The following OXNAD1 variants were observed in gnomAD, a reference collection of about 807,000 sequenced individuals.
OXNAD1 encodes the protein oxidoreductase NAD binding domain containing 1.
A neutral mutation model predicts 32.9 loss-of-function variants in OXNAD1; 34 were observed. That is an observed-to-expected ratio of 1.03 (90% CI 0.79 to 1.38). The LOEUF (loss-of-function observed/expected upper bound fraction) is 1.38. Ranked by LOEUF, OXNAD1 falls within the 40% of genes most tolerant of loss-of-function variation. The pLI is 0.00. For missense variants in OXNAD1, 407 were observed against 379.4 expected, an observed-to-expected ratio of 1.07 and a Z score of -0.60; for synonymous variants, 134 against 135.2, an observed-to-expected ratio of 0.99 and a Z score of 0.06.
Position 16,305,718 on chromosome 3 carries a change from A to T in OXNAD1, c.*2156A>T, listed in dbSNP as rs2067502360. The T allele has an allele frequency of 6.6e-6, 1 of 152,210 alleles. No individual in the cohort carries two copies. 9.4% of individuals were successfully genotyped at this position (152,210 alleles called of 1,614,324 possible). A position where few individuals can be genotyped will look rare whatever the true frequency, so the allele number is the denominator to read the frequency against. ...ACCTATACTACTTACTAGGTAGATG[A>T]CCTTGAGCAAGTCACTTAACTGCTC... On this transcript the variant is annotated 3_prime_UTR_variant, in exon 9 of 9. Transcript: ENST00000285083. This position sits in a 1 kb window ranked among gnomAD's most constrained non-coding sequence, Gnocchi z 4.5.
downstream of OXNAD1, among the ~76,000 whole-genome samples, chr3:16,306,608 TC>T (rs1221632657): frequency 6.6e-6 from 1 of 152,224 alleles, no homozygotes; most frequent in East Asian, 1.9e-4. Flanking sequence ...ACACTTTTTT[TC>T]CCCCATGATT....
At position 16,302,738 on chromosome 3, in the gene OXNAD1, A is replaced by G. The variant is rs2067277536; in HGVS notation, c.774A>G (p.Pro258=). ...CACAAATCAATGCGGAACTCAAGCC[A>G]TACATCACGGGTGAGTCCCCTAAAG... ...QTTQINAELK[P]YITEGRITEK... The change falls in exon 8 of 9, where the codon CCA becomes CCG. Residue 258 remains proline, a synonymous_variant. Transcript: ENST00000285083. The surrounding 1 kb of genome is among the most constrained non-coding windows in gnomAD (Gnocchi z 4.2). 6 of 1,609,492 alleles carry G rather than the reference A, an allele frequency of 3.7e-6. No individual in the cohort carries two copies. Among genetic ancestry groups the G allele is most frequent in the Non-Finnish European group, 5.1e-6 (6 of 1,176,080 alleles).
chr3:16,271,730 T>A lies in OXNAD1; in HGVS notation c.183+8T>A. The A allele has an allele frequency of 6.2e-7, 1 of 1,604,382 alleles. No homozygotes were observed. Among genetic ancestry groups the A allele is most frequent in the Middle Eastern group, 1.7e-4 (1 of 6,014 alleles). On this transcript the variant is annotated splice_region_variant and intron_variant, in intron 4 of 8. Transcript: ENST00000285083. This position sits in a 1 kb window ranked among gnomAD's most constrained non-coding sequence, Gnocchi z 4.6. ...AGTGTCCTTCGACGGGAGGTTTGTA[T>A]CTTTGGGGTATGACAGGTTTTTCCA...
rs536567463 is a variant in OXNAD1, at chr3:16,327,633, C to T, written c.*31-9479C>T. On this transcript the variant is annotated intron_variant, in intron 9 of 9. Transcript: ENST00000435829. This position sits in a 1 kb window ranked among gnomAD's most constrained non-coding sequence, Gnocchi z 4.2. ...AAAATTAGCCAGGCCTGGTGGCGGG[C>T]GCCTGTAGTCCCAGCTACTCGGGAG... is the stretch of plus-strand genomic sequence containing the variant. Among the ~76,000 whole-genome samples the T allele has an allele frequency of 4.6e-5, 7 of 152,046 alleles. No homozygotes were observed. Among genetic ancestry groups the T allele is most frequent in the South Asian group, 2.1e-4 (1 of 4,810 alleles).
chr3:16,289,118 C>T lies in OXNAD1; in HGVS notation c.290+2670C>T, dbSNP rs962212571. Among the ~76,000 whole-genome samples, 1 of 152,236 alleles carries T rather than the reference C, an allele frequency of 6.6e-6. No homozygotes were observed. The highest frequency in any genetic ancestry group is 1.5e-5 in the Non-Finnish European group (1 of 68,044). ...GTTTTGGGATATTTAAAGTGTTTAGCATAATGCCTACTGTTAACTTCATTT... is the reference window on the plus strand; with the variant it reads ...GTTTTGGGATATTTAAAGTGTTTAGTATAATGCCTACTGTTAACTTCATTT... On this transcript the variant is annotated intron_variant, in intron 5 of 8. Coordinates refer to ENST00000285083, the MANE Select transcript of OXNAD1 (RefSeq NM_138381.5). This position sits in a 1 kb window ranked among gnomAD's most constrained non-coding sequence, Gnocchi z 4.9.
chr3:16,287,397 G>C lies in OXNAD1; in HGVS notation c.290+949G>C, dbSNP rs1385434013. ...TAGTTTGCCTTTGAATTTAGAACTA[G>C]AAAACAAGATGCTGATTGCAATAAT... On this transcript the variant is annotated intron_variant, in intron 5 of 8. Transcript: ENST00000285083. The surrounding 1 kb of genome is among the most constrained non-coding windows in gnomAD (Gnocchi z 4.8). Among the ~76,000 whole-genome samples the C allele has an allele frequency of 6.6e-6, 1 of 152,168 alleles. No homozygotes were observed. The highest frequency in any genetic ancestry group is 1.5e-5 in the Non-Finnish European group (1 of 68,024).
At position 16,336,592 on chromosome 3, in the gene OXNAD1, CATAAT is replaced by C. The variant is rs2070872983; in HGVS notation, c.*31-518_*31-514del. Among the ~76,000 whole-genome samples, 1 of 152,180 alleles carries C rather than the reference CATAAT, an allele frequency of 6.6e-6. No individual in the cohort carries two copies. Among genetic ancestry groups the C allele is most frequent in the South Asian group, 2.1e-4 (1 of 4,826 alleles). ...TTTTGCTGATATGTAATCAGGACAA[CATAAT>C]AGAGTCTGAGAGAGCAGTCTTCTCA... On this transcript the variant is annotated intron_variant, in intron 9 of 9. Transcript: ENST00000435829. This position sits in a 1 kb window ranked among gnomAD's most constrained non-coding sequence, Gnocchi z 6.0.
intron 4 of OXNAD1, among the ~76,000 whole-genome samples, chr3:16,278,480 G>A (rs2065507580): frequency 6.6e-6 from 1 of 152,220 alleles, no homozygotes; most frequent in Non-Finnish European, 1.5e-5. Context: ...TAGGTAGGAT[G>A]ACCCTGCTTC....
intron 1 of OXNAD1, among the ~76,000 whole-genome samples, 155 bp from the exon 2 acceptor site, chr3:16,268,971 A>G (rs1326992873): frequency 1.3e-5 from 2 of 152,178 alleles, no homozygotes; most frequent in Non-Finnish European, 2.9e-5. Context: ...GGAAGCATGG[A>G]GGAAAGAATG....
Position 16,277,562 on chromosome 3 carries a change from C to T in OXNAD1, c.183+5840C>T, listed in dbSNP as rs575038934. Among the ~76,000 whole-genome samples, 12 of 152,232 alleles carry T rather than the reference C, an allele frequency of 7.9e-5. 1 individual carries two copies. In the Middle Eastern group the frequency reaches 0.01, roughly 129 times the overall value. ...AAGTCCATGAGGTAGCCTAAGGATA[C>T]GATGCCATCTGGATTTTACAAAGAG... On this transcript the variant is annotated intron_variant, in intron 4 of 8. Coordinates refer to ENST00000285083, the MANE Select transcript of OXNAD1 (RefSeq NM_138381.5). This position sits in a 1 kb window ranked among gnomAD's most constrained non-coding sequence, Gnocchi z 4.3.
chr3:16,274,059 C>T (rs916552066), intron 4 of OXNAD1, among the ~76,000 whole-genome samples: 1 of 151,464 alleles, frequency 6.6e-6, no homozygotes, highest in African/African-American at 2.4e-5. Context: ...TTAAAGGTTA[C>T]ACCTATTAAG....
chr3:16,310,453 C>G (rs1410047968), downstream of OXNAD1, among the ~76,000 whole-genome samples: 1 of 152,144 alleles, frequency 6.6e-6, no homozygotes, highest in East Asian at 1.9e-4. Flanking sequence ...TTAGAGGCCA[C>G]AGAAAAATCC....
Position 16,303,664 on chromosome 3 carries a change from T to G in OXNAD1, c.*102T>G. On this transcript the variant is annotated 3_prime_UTR_variant, in exon 9 of 9. Transcript: ENST00000285083. This position sits in a 1 kb window ranked among gnomAD's most constrained non-coding sequence, Gnocchi z 4.8. ...TTTTTTTATCTCTACTTGAGTTGTCTTATTTTTTAAGGCTATAAACTTAGT... is the reference window on the plus strand; with the variant it reads ...TTTTTTTATCTCTACTTGAGTTGTCGTATTTTTTAAGGCTATAAACTTAGT... 7.8e-7 allele frequency: 1 copy of G among 1,286,910 alleles called. No homozygotes were observed. Among genetic ancestry groups the G allele is most frequent in the Non-Finnish European group, 1.0e-6 (1 of 967,468 alleles). The allele number at this position is 1,286,910 out of a possible 1,614,324, so 79.7% of individuals were successfully genotyped here. A position where few individuals can be genotyped will look rare whatever the true frequency, so the allele number is the denominator to read the frequency against.
chr3:16,341,091 A>C (rs747309990), downstream of OXNAD1, among the ~76,000 whole-genome samples: 1 of 152,256 alleles, frequency 6.6e-6, no homozygotes, highest in Non-Finnish European at 1.5e-5. The surrounding 1 kb of genome is among the most constrained non-coding windows in gnomAD (Gnocchi z 4.7). Context: ...AGGGAAATGC[A>C]AATAAGACAG....
Position 16,305,091 on chromosome 3 carries a change from C to T in OXNAD1, c.*1529C>T, listed in dbSNP as rs754954900. 1 of 152,242 alleles carries T rather than the reference C, an allele frequency of 6.6e-6. No homozygotes were observed. Among genetic ancestry groups the T allele is most frequent in the Admixed American group, 6.5e-5 (1 of 15,278 alleles). 9.4% of individuals were successfully genotyped at this position (152,242 alleles called of 1,614,324 possible). ...GATCACTACAAGGAGCCCTGACTTA[C>T]CAGTTGGCCCCAAAGTGCCCAGGCT... On this transcript the variant is annotated 3_prime_UTR_variant, in exon 9 of 9. Coordinates refer to ENST00000285083, the MANE Select transcript of OXNAD1 (RefSeq NM_138381.5). The surrounding 1 kb of genome is among the most constrained non-coding windows in gnomAD (Gnocchi z 4.5).
intron 5 of OXNAD1, among the ~76,000 whole-genome samples, chr3:16,294,401 G>T (rs1437931689): frequency 6.6e-6 from 1 of 152,008 alleles, no homozygotes; most frequent in Admixed American, 6.6e-5. Context: ...TAGAGACGGG[G>T]TTTCACCCTG....
intron 5 of OXNAD1, among the ~76,000 whole-genome samples, chr3:16,286,755 A>G (rs549793725): frequency 9.2e-5 from 14 of 152,358 alleles, no homozygotes; most frequent in Admixed American, 3.9e-4. Context: ...TAGACTCTTC[A>G]GGAATGGTTG....
rs1209468694 is a variant in OXNAD1 at position 16,286,344 on chromosome 3, TG to T, written c.187del (p.Val63CysfsTer16). On this transcript the variant is annotated frameshift_variant, in exon 5 of 9. Transcript: ENST00000285083. LOFTEE classifies it high-confidence loss of function. ...RTASVLRREI[V>X]SAAKVCGAAS... ...CACAGTTCATCTTTTGGTTTTAGAT[TG>T]TGTCAGCAGCTAAGGTGTGTGGAGC... 1 of 1,612,480 alleles carries T rather than the reference TG, an allele frequency of 6.2e-7. No individual in the cohort carries two copies. Among genetic ancestry groups the T allele is most frequent in the African/African-American group, 1.3e-5 (1 of 75,000 alleles).
rs1285143529 is a variant in OXNAD1, at chr3:16,303,903, A to AT, written c.*346dup. The AT allele has an allele frequency of 6.2e-6, 1 of 161,288 alleles. No homozygotes were observed. Among genetic ancestry groups the AT allele is most frequent in the Non-Finnish European group, 1.3e-5 (1 of 74,084 alleles). 10.0% of individuals were successfully genotyped at this position (161,288 alleles called of 1,614,324 possible). On this transcript the variant is annotated 3_prime_UTR_variant, in exon 9 of 9. Transcript: ENST00000285083. The surrounding 1 kb of genome is among the most constrained non-coding windows in gnomAD (Gnocchi z 4.8). ...TTATGTCTAATCATAGGAAAATGTG[A>AT]TTTTTGAGTATAAAATGTGGGCTAG...
Sources: allele counts gnomAD v4.1 joint callset (sites outside exome capture counted in the v4.1 genomes callset), GRCh38; gene constraint gnomAD v4.1.1; non-coding constraint Gnocchi (gnomAD v3.1); transcripts MANE v1.5; gene names NCBI Gene and HGNC (gene_info 2026-07-23, HGNC 2026-07-21).